Variants in EPHA6 observed in about 807,000 individuals in gnomAD.
The protein encoded by EPHA6 is EPH receptor A6.
In EPHA6, 50 loss-of-function variants were observed where a neutral mutation model predicts 112.0. That is an observed-to-expected ratio of 0.45 (90% CI 0.36 to 0.56). The LOEUF (loss-of-function observed/expected upper bound fraction) is 0.56, where lower values mean the gene tolerates loss of function less well. Ranked by LOEUF, EPHA6 falls within the 20% of genes least tolerant of loss-of-function variation. The pLI is 0.00. For missense variants in EPHA6, 1,280 were observed against 1,417.4 expected (o/e 0.90, Z 1.56); for synonymous variants, 529 against 490.7 (o/e 1.08, Z -1.03).
Position 97,479,283 on chromosome 3 carries a change from C to G in EPHA6, c.2004-11C>G. ...CTTAAAACAAGTTTTTTTTTTTAAT[C>G]TTTTTAAAAGATGTCAGTGGTACAT... On this transcript the variant is annotated splice_polypyrimidine_tract_variant and intron_variant, in intron 8 of 17. Transcript: ENST00000389672. 1 of 1,533,524 alleles carries G rather than the reference C, an allele frequency of 6.5e-7. No individual in the cohort carries two copies. 95.0% of individuals were successfully genotyped at this position (1,533,524 alleles called of 1,614,324 possible).
At chr3:97,397,948 T>C (rs932581406) in intron 5 of EPHA6, among the ~76,000 whole-genome samples, 1 of 151,570 alleles carries the variant, frequency 6.6e-6, no homozygotes, top group Non-Finnish European at 1.5e-5. Flanking sequence ...AAAGAGATTT[T>C]AGGGTTTAGG....
At chr3:97,542,808 C>A (rs1296030313) in intron 11 of EPHA6, among the ~76,000 whole-genome samples, 1 of 152,136 alleles carries the variant, frequency 6.6e-6, no homozygotes, top group African/African-American at 2.4e-5. Flanking sequence ...GAGATGGTAT[C>A]CCATTGTGGT....
intron 3 of EPHA6, among the ~76,000 whole-genome samples, chr3:97,038,845 G>A (rs1369728648): frequency 1.3e-5 from 2 of 152,066 alleles, no homozygotes; most frequent in Non-Finnish European, 2.9e-5. Flanking sequence ...GGAGAGAAGG[G>A]CATCGCAGAT....
rs113005964 is a variant in EPHA6 at position 97,672,328 on chromosome 3, CTTTT to C, written c.2784+34247_2784+34250del. Reference sequence around the variant, plus strand: ...TCATGATAATCCCATGCTTATCTTTCTTTTGTCTTCTCTTTGAAGTGTTTTGTTA... The same window carrying C: ...TCATGATAATCCCATGCTTATCTTTCGTCTTCTCTTTGAAGTGTTTTGTTA... On this transcript the variant is annotated intron_variant, in intron 14 of 17. Coordinates refer to ENST00000389672, the MANE Select transcript of EPHA6 (RefSeq NM_001080448.3). 3.4e-3 allele frequency among the ~76,000 whole-genome samples: 518 copies of C among 152,232 alleles called. 4 individuals carry two copies. Among genetic ancestry groups the C allele is most frequent in the African/African-American group, 0.012 (486 of 41,562 alleles).
chr3:97,529,019 G>C (rs1282381743), intron 10 of EPHA6, among the ~76,000 whole-genome samples: 1 of 152,106 alleles, frequency 6.6e-6, no homozygotes, highest in Non-Finnish European at 1.5e-5. Flanking sequence ...CCTAGGATGT[G>C]AGTTTTATCA....
chr3:97,216,871 C>T (rs569216520), intron 3 of EPHA6, among the ~76,000 whole-genome samples: 1 of 152,084 alleles, frequency 6.6e-6, no homozygotes, highest in Admixed American at 6.6e-5. Flanking sequence ...TTATAGAAGA[C>T]AATGAAATAT....
In EPHA6 at chr3:97,757,391, TG is replaced by T. The variant is rs567391919; in HGVS notation, c.*8691del. 2.6e-3 allele frequency among the ~76,000 whole-genome samples: 399 copies of T among 151,916 alleles called. 1 individual carries two copies. The highest frequency in any genetic ancestry group is 4.2e-3 in the Non-Finnish European group (284 of 67,722). On this transcript the variant is annotated 3_prime_UTR_variant, in exon 18 of 18. Transcript: ENST00000389672. ...AATAGGAAAAAGTTCATTTTAAAAA[TG>T]TTTTGTAATGGAACAAGTCATCAAA...
intron 3 of EPHA6, among the ~76,000 whole-genome samples, chr3:97,197,371 G>T (rs35429631): frequency 1.3e-5 from 2 of 151,650 alleles, no homozygotes; most frequent in African/African-American, 4.8e-5. Context: ...AGGTCCAAGC[G>T]CTCTTTAGTC....
chr3:97,631,928 G>A (rs763972724), intron 13 of EPHA6, among the ~76,000 whole-genome samples: 1 of 151,926 alleles, frequency 6.6e-6, no homozygotes, highest in Non-Finnish European at 1.5e-5. Context: ...TAAGCTATTC[G>A]GTTGGTGGGC....
intron 3 of EPHA6, among the ~76,000 whole-genome samples, chr3:97,015,056 A>G (rs2044219433): frequency 6.6e-6 from 1 of 152,232 alleles, no homozygotes; most frequent in South Asian, 2.1e-4. Flanking sequence ...TATTGACACA[A>G]GTTTTATCAT....
At position 96,866,599 on chromosome 3, in the gene EPHA6, A is replaced by G. The variant is rs13315814; in HGVS notation, c.386-226A>G. Among the ~76,000 whole-genome samples the G allele has an allele frequency of 8.4e-3, 1,281 of 151,974 alleles. 20 individuals carry two copies. The highest frequency in any genetic ancestry group is 0.029 in the African/African-American group (1,196 of 41,546). On this transcript the variant is annotated intron_variant, in intron 1 of 17. Coordinates refer to ENST00000389672, the MANE Select transcript of EPHA6 (RefSeq NM_001080448.3). ...TCATTTAGCATTGTTTAACAAAAAT[A>G]TACATACTTTAATTTCTAAATACTT...
chr3:96,937,898 G>A (rs2040691965), intron 2 of EPHA6, among the ~76,000 whole-genome samples: 2 of 152,146 alleles, frequency 1.3e-5, no homozygotes, highest in East Asian at 1.9e-4. Context: ...TGTCAGGTTT[G>A]TCAAAGATCA....
At chr3:97,062,941 G>GA (rs985001437) in intron 3 of EPHA6, among the ~76,000 whole-genome samples, 35 of 145,956 alleles carry the variant, frequency 2.4e-4, no homozygotes, top group Admixed American at 6.2e-4. Context: ...ACAATTATAT[G>GA]AAAAAAAAAA....
At chr3:96,916,377 C>T (rs1200659219) in intron 2 of EPHA6, among the ~76,000 whole-genome samples, 3 of 151,922 alleles carry the variant, frequency 2.0e-5, no homozygotes, top group Non-Finnish European at 4.4e-5. Flanking sequence ...TTTTTGGTAA[C>T]ATCTTTACTA....
At chr3:97,299,023 A>G (rs148431193) in intron 5 of EPHA6, among the ~76,000 whole-genome samples, 58 of 152,308 alleles carry the variant, frequency 3.8e-4, no homozygotes, top group African/African-American at 1.3e-3. Flanking sequence ...TTTATTTAAT[A>G]TGCATTTTTA....
chr3:97,490,313 A>G lies in EPHA6; in HGVS notation c.2200+6254A>G, dbSNP rs184558946. On this transcript the variant is annotated intron_variant, in intron 10 of 17. Coordinates refer to ENST00000389672, the MANE Select transcript of EPHA6 (RefSeq NM_001080448.3). ...AATTACAATTGTTACATTGCTTTAT[A>G]TTAACAATTTACTTGATAGACCAAA... 1.9e-3 allele frequency among the ~76,000 whole-genome samples: 282 copies of G among 152,304 alleles called. 2 individuals are homozygous for G. The highest frequency in any genetic ancestry group is 6.4e-3 in the African/African-American group (267 of 41,582).
At chr3:97,028,245 GGT>G (rs68156882) in intron 3 of EPHA6, among the ~76,000 whole-genome samples, 2,754 of 152,136 alleles carry the variant, frequency 0.018, 68 homozygotes, top group African/African-American at 0.051. Flanking sequence ...TAATTTCCCT[GGT>G]GAATTTGTAG....
chr3:97,640,299 G>A (rs1238880980), intron 14 of EPHA6, among the ~76,000 whole-genome samples: 1 of 152,156 alleles, frequency 6.6e-6, no homozygotes, highest in African/African-American at 2.4e-5. Flanking sequence ...AAGTGAATGG[G>A]CCTATCGATG....
At chr3:97,272,969 AGGGCTGCTTCGAGC>A (rs1325197410) in intron 5 of EPHA6, among the ~76,000 whole-genome samples, 26 of 152,286 alleles carry the variant, frequency 1.7e-4, no homozygotes, top group Admixed American at 1.1e-3. Context: ...AATGTATCTC[AGGGCTGCTTCGAGC>A]GGGATTAGGG....
Sources: gnomAD v4.1 joint callset for allele counts (sites outside exome capture counted in the v4.1 genomes callset) on GRCh38, gnomAD v4.1.1 for gene constraint, MANE v1.5 for transcripts, NCBI Gene and HGNC (gene_info 2026-07-23, HGNC 2026-07-21) for gene names.